The following DLG2 variants were observed in gnomAD, a reference collection of about 807,000 sequenced individuals.
The protein encoded by DLG2 is disks large homolog 2.
A neutral mutation model predicts 132.5 loss-of-function variants in DLG2; 45 were observed. The ratio of observed to expected loss-of-function variants is 0.34; its 90% CI spans 0.27 to 0.44. DLG2 has a LOEUF of 0.44. DLG2 is among the 20% of genes least tolerant of loss of function. The probability of loss-of-function intolerance (pLI) is 1.00; values close to 1 mark genes in which losing one functional copy is unlikely to be tolerated. For missense variants in DLG2, 1,045 were observed against 1,196.9 expected (o/e 0.87, Z 1.87); for synonymous variants, 424 against 419.6 (o/e 1.01, Z -0.13).
intron 6 of DLG2, among the ~76,000 whole-genome samples, chr11:84,981,698 A>G (rs2055765537): frequency 6.6e-6 from 1 of 152,158 alleles, no homozygotes; most frequent in Non-Finnish European, 1.5e-5. Flanking sequence ...AAAAAAATAA[A>G]TAAATAAAAG....
At chr11:83,530,466 T>C (rs1359303568) in intron 21 of DLG2, among the ~76,000 whole-genome samples, 2 of 151,874 alleles carry the variant, frequency 1.3e-5, no homozygotes, top group Admixed American at 6.6e-5. Context: ...TGTGATTCTG[T>C]ATGATATTCA....
intron 3 of DLG2, among the ~76,000 whole-genome samples, chr11:85,458,903 AT>A (rs1177554060): frequency 6.6e-6 from 1 of 152,118 alleles, no homozygotes; most frequent in Non-Finnish European, 1.5e-5. Flanking sequence ...AGGGGAAGGG[AT>A]CTTAGCAGTG....
intron 19 of DLG2, among the ~76,000 whole-genome samples, chr11:83,588,928 G>A (rs939514990): frequency 6.7e-6 from 1 of 149,340 alleles, no homozygotes; most frequent in African/African-American, 2.5e-5. Context: ...AGTGAGAAGG[G>A]AAGTTTAGAG....
chr11:84,622,095 T>G (rs2099615005), intron 6 of DLG2, among the ~76,000 whole-genome samples: 1 of 152,218 alleles, frequency 6.6e-6, no homozygotes, highest in Non-Finnish European at 1.5e-5. Flanking sequence ...AATTTTGACT[T>G]AATAGTTTGT....
intron 3 of DLG2, among the ~76,000 whole-genome samples, chr11:85,541,662 C>T (rs1369140603): frequency 6.6e-6 from 1 of 151,986 alleles, no homozygotes; most frequent in Non-Finnish European, 1.5e-5. Context: ...CAAAAAAACA[C>T]AGATTTGAAG....
At chr11:83,472,920 C>A (rs1565365018) in intron 22 of DLG2, 143 bp from the exon 23 acceptor site, 14 of 681,544 alleles carry the variant, frequency 2.1e-5, no homozygotes, top group Non-Finnish European at 2.8e-5. Flanking sequence ...AAAATAACTT[C>A]ATCCTCATAA....
chr11:84,819,599 C>T (rs1227713653), intron 6 of DLG2, among the ~76,000 whole-genome samples: 1 of 151,766 alleles, frequency 6.6e-6, no homozygotes, highest in Admixed American at 6.6e-5. Flanking sequence ...TGCTGTAATA[C>T]CCAGATTCAC....
At chr11:85,508,740 A>G (rs1001235862) in intron 3 of DLG2, among the ~76,000 whole-genome samples, 4 of 152,072 alleles carry the variant, frequency 2.6e-5, no homozygotes, top group Non-Finnish European at 5.9e-5. Flanking sequence ...TGTTCTTTGT[A>G]TTTTCCAAAT....
chr11:84,288,209 ATAAT>A (rs2097936506), intron 7 of DLG2, among the ~76,000 whole-genome samples: 1 of 152,052 alleles, frequency 6.6e-6, no homozygotes, highest in Non-Finnish European at 1.5e-5. Context: ...ATTGTGAATA[ATAAT>A]TAATAATAAT....
intron 3 of DLG2, among the ~76,000 whole-genome samples, chr11:85,512,987 T>A (rs1355470826): frequency 6.6e-6 from 1 of 152,060 alleles, no homozygotes; most frequent in East Asian, 1.9e-4. Context: ...GTGGTACATA[T>A]ACACCATGGA....
chr11:84,241,350 T>G (rs1024257759), intron 8 of DLG2, among the ~76,000 whole-genome samples: 1 of 152,230 alleles, frequency 6.6e-6, no homozygotes, highest in African/African-American at 2.4e-5. Flanking sequence ...TTCAGTGTGA[T>G]AACTACCTTG....
intron 6 of DLG2, among the ~76,000 whole-genome samples, chr11:85,103,416 T>C (rs112900456): frequency 7.9e-5 from 12 of 151,946 alleles, no homozygotes; most frequent in African/African-American, 2.4e-4. Flanking sequence ...ATAAAGATTA[T>C]TGAAACAGAG....
intron 6 of DLG2, chr11:84,936,568 T>C (rs1480129907): frequency 1.3e-5 from 2 of 152,104 alleles, no homozygotes; most frequent in Admixed American, 1.3e-4. Context: ...TACAATTCTA[T>C]ATACATATTT....
intron 6 of DLG2, among the ~76,000 whole-genome samples, chr11:84,790,054 C>T (rs772345370): frequency 1.4e-4 from 21 of 152,180 alleles, no homozygotes; most frequent in Non-Finnish European, 2.8e-4. Context: ...CATGGAAGTG[C>T]AGATATCTTT....
At chr11:84,279,860 T>G (rs527671121) in intron 7 of DLG2, among the ~76,000 whole-genome samples, 1 of 152,266 alleles carries the variant, frequency 6.6e-6, no homozygotes, top group Non-Finnish European at 1.5e-5. Context: ...ATTAACTTTT[T>G]TTTAAAGAAA....
chr11:84,866,200 CT>C (rs11353851), intron 6 of DLG2, among the ~76,000 whole-genome samples: 49,705 of 151,974 alleles, frequency 0.33, 8,255 homozygotes, highest in Middle Eastern at 0.37. Flanking sequence ...CTAGTGTAGT[CT>C]TCTGACAACA....
chr11:84,733,086 T>G (rs1378804410), intron 6 of DLG2, among the ~76,000 whole-genome samples: 5 of 152,326 alleles, frequency 3.3e-5, no homozygotes, highest in African/African-American at 1.2e-4. Context: ...TTGTGAATAG[T>G]GCCACAATAA....
intron 9 of DLG2, among the ~76,000 whole-genome samples, chr11:84,115,372 C>T (rs561812812): frequency 1.3e-4 from 20 of 152,166 alleles, no homozygotes; most frequent in East Asian, 3.9e-4. Context: ...TGTTGGGAGA[C>T]GGGAGGTGGA....
intron 8 of DLG2, among the ~76,000 whole-genome samples, chr11:84,177,738 T>A (rs114961545): frequency 1.4e-3 from 208 of 152,272 alleles, no homozygotes; most frequent in African/African-American, 4.8e-3. Flanking sequence ...TCAAAATGAA[T>A]ATCATAGGAT....
Sources: allele counts gnomAD v4.1 joint callset (sites outside exome capture counted in the v4.1 genomes callset), GRCh38; gene constraint gnomAD v4.1.1; transcripts MANE v1.5; gene names NCBI Gene and HGNC (gene_info 2026-07-23, HGNC 2026-07-21).